Variants in GABRG3 observed in about 807,000 individuals in gnomAD.
GABRG3 encodes the protein gamma-aminobutyric acid receptor subunit gamma-3.
GABRG3 carries 25 observed loss-of-function variants against 48.8 expected under a neutral mutation model. The observed-to-expected ratio is 0.51, with a 90% confidence interval of 0.37 to 0.72. GABRG3 has a LOEUF of 0.72. GABRG3 is among the 30% of genes least tolerant of loss of function. The pLI is 0.00. For missense variants in GABRG3, 394 were observed against 577.9 expected (o/e 0.68, Z 3.26); for synonymous variants, 227 against 217.6 (o/e 1.04, Z -0.38).
In GABRG3 at chr15:27,534,905, C is replaced by CTGTGG. The variant is rs1484304182; in HGVS notation, c.*2024_*2025insTGTGG. The CTGTGG allele has an allele frequency of 6.6e-6, 1 of 152,200 alleles. No homozygotes were observed. Among genetic ancestry groups the CTGTGG allele is most frequent in the Non-Finnish European group, 1.5e-5 (1 of 68,034 alleles). The allele number at this position is 152,200 out of a possible 1,614,324, so 9.4% of individuals were successfully genotyped here. A position where few individuals can be genotyped will look rare whatever the true frequency, so the allele number is the denominator to read the frequency against. ...GGTTTGGTAGTTGCTACATAATCCA[C>CTGTGG]AAGCCAATTGGCTTCAGTTTAGCAA... On this transcript the variant is annotated 3_prime_UTR_variant, in exon 10 of 10. Coordinates refer to ENST00000615808, the MANE Select transcript of GABRG3 (RefSeq NM_033223.5).
At chr15:27,276,928 G>A (rs1482347172) in intron 3 of GABRG3, among the ~76,000 whole-genome samples, 2 of 152,168 alleles carry the variant, frequency 1.3e-5, no homozygotes, top group African/African-American at 4.8e-5. Flanking sequence ...CTTCTTCCCA[G>A]CTAAAATAGA....
At chr15:27,142,258 G>A (rs1414516013) in intron 3 of GABRG3, among the ~76,000 whole-genome samples, 33 of 152,044 alleles carry the variant, frequency 2.2e-4, no homozygotes, top group Admixed American at 2.1e-3. Flanking sequence ...CCGTTTTCAC[G>A]CTGCTGATAA....
chr15:27,059,262 G>A (rs1896605444), intron 3 of GABRG3, among the ~76,000 whole-genome samples: 2 of 152,194 alleles, frequency 1.3e-5, no homozygotes, highest in Non-Finnish European at 1.5e-5. Context: ...TTCCTTTGGG[G>A]AGAGCTGAGT....
chr15:27,429,972 C>T lies in GABRG3; in HGVS notation c.575-50678C>T, dbSNP rs114640910. ...TGGTCCTATGGAAACAATATGTCTACATTTTGAGAAATTACCAGTGGCTTC... is the reference window on the plus strand; with the variant it reads ...TGGTCCTATGGAAACAATATGTCTATATTTTGAGAAATTACCAGTGGCTTC... On this transcript the variant is annotated intron_variant, in intron 5 of 9. Coordinates refer to ENST00000615808, the MANE Select transcript of GABRG3 (RefSeq NM_033223.5). Among the ~76,000 whole-genome samples the T allele has an allele frequency of 2.8e-3, 429 of 152,338 alleles. 1 individual carries two copies. Among genetic ancestry groups the T allele is most frequent in the African/African-American group, 9.7e-3 (402 of 41,582 alleles).
intron 3 of GABRG3, among the ~76,000 whole-genome samples, chr15:27,193,101 C>T (rs1434967356): frequency 6.6e-6 from 1 of 152,134 alleles, no homozygotes; most frequent in Non-Finnish European, 1.5e-5. Flanking sequence ...GAGTATCCGG[C>T]CGTGTGAGGT....
chr15:27,393,358 A>G (rs34973701), intron 5 of GABRG3, among the ~76,000 whole-genome samples: 62,382 of 140,386 alleles, frequency 0.44, 15,201 homozygotes, highest in East Asian at 0.98. Flanking sequence ...AAAAAAAAAA[A>G]AAAAGAAAAG....
chr15:27,426,546 G>A (rs1888298658), intron 5 of GABRG3, among the ~76,000 whole-genome samples: 1 of 152,152 alleles, frequency 6.6e-6, no homozygotes, highest in African/African-American at 2.4e-5. Context: ...CAGGCGTGGT[G>A]TCTCATGCCA....
chr15:27,229,453 T>TTTTTG (rs1555411180), intron 3 of GABRG3, among the ~76,000 whole-genome samples: 2 of 105,080 alleles, frequency 1.9e-5, no homozygotes, highest in Non-Finnish European at 3.6e-5. Flanking sequence ...CCTAGGTTTT[T>TTTTTG]TGTGTGTGTG....
At chr15:27,265,897 T>TTTTTTTTGG (rs1890906518) in intron 3 of GABRG3, among the ~76,000 whole-genome samples, 1 of 150,486 alleles carries the variant, frequency 6.6e-6, no homozygotes, top group African/African-American at 2.5e-5. Flanking sequence ...TTTTTTTTTT[T>TTTTTTTTGG]GAGAGTGACC....
chr15:27,518,919 G>T (rs1891092951), intron 6 of GABRG3, among the ~76,000 whole-genome samples: 1 of 152,198 alleles, frequency 6.6e-6, no homozygotes, highest in South Asian at 2.1e-4. Context: ...GATAAGCTTG[G>T]ATCTATGGCA....
Position 27,447,663 on chromosome 15 carries a change from A to G in GABRG3, c.575-32987A>G, listed in dbSNP as rs1331415738. On this transcript the variant is annotated intron_variant, in intron 5 of 9. Transcript: ENST00000615808. The surrounding 1 kb of genome is among the most constrained non-coding windows in gnomAD (Gnocchi z 4.0). ...TGGCACATATACACTGTGGAATACT[A>G]TGCAGCCATAAAAAAGGATGAGTTC... 6.6e-6 allele frequency among the ~76,000 whole-genome samples: 1 copy of G among 152,230 alleles called. No individual in the cohort carries two copies. The highest frequency in any genetic ancestry group is 1.5e-5 in the Non-Finnish European group (1 of 68,044).
chr15:27,507,952 C>G (rs1027148253), intron 6 of GABRG3, among the ~76,000 whole-genome samples: 2 of 152,180 alleles, frequency 1.3e-5, no homozygotes, highest in African/African-American at 4.8e-5. Context: ...CTGAAGTCTA[C>G]TCTGTTCAAA....
chr15:27,057,208 C>A (rs573497439), intron 3 of GABRG3, among the ~76,000 whole-genome samples: 1 of 152,268 alleles, frequency 6.6e-6, no homozygotes, highest in East Asian at 1.9e-4. Context: ...TTCTTCCTAA[C>A]TCACACACAT....
intron 2 of GABRG3, among the ~76,000 whole-genome samples, chr15:26,996,621 C>CTTATTTATTTAT (rs147458553): frequency 0.039 from 5,855 of 149,878 alleles, 188 homozygotes; most frequent in Middle Eastern, 0.086. Context: ...TATATACTGG[C>CTTATTTATTTAT]TTATTTATTT....
At chr15:27,016,251 T>G (rs1357759523) in intron 2 of GABRG3, among the ~76,000 whole-genome samples, 1 of 151,160 alleles carries the variant, frequency 6.6e-6, no homozygotes, top group Non-Finnish European at 1.5e-5. Context: ...TTTTTTTTTT[T>G]TTTGAGAGAA....
intron 3 of GABRG3, among the ~76,000 whole-genome samples, chr15:27,092,255 G>A (rs1039638036): frequency 3.3e-5 from 5 of 152,156 alleles, no homozygotes; most frequent in African/African-American, 1.2e-4. Context: ...CTTTCTGACA[G>A]AACTGGGGAA....
intron 2 of GABRG3, among the ~76,000 whole-genome samples, chr15:27,011,236 C>G (rs909299512): frequency 1.3e-5 from 2 of 152,298 alleles, no homozygotes; most frequent in Admixed American, 6.5e-5. Flanking sequence ...CTGCAACTCT[C>G]TTAGGACTTT....
intron 5 of GABRG3, among the ~76,000 whole-genome samples, chr15:27,379,640 G>A (rs1006301026): frequency 3.3e-5 from 5 of 151,876 alleles, no homozygotes; most frequent in Admixed American, 1.3e-4. Context: ...AATTTTTATC[G>A]AAGTCTTTAT....
chr15:27,133,615 G>C (rs1444261986), intron 3 of GABRG3, among the ~76,000 whole-genome samples: 1 of 152,182 alleles, frequency 6.6e-6, no homozygotes, highest in Non-Finnish European at 1.5e-5. Flanking sequence ...CTGCTTCCAA[G>C]TATTTAATTT....
Sources: gnomAD v4.1 joint callset for allele counts (sites outside exome capture counted in the v4.1 genomes callset) on GRCh38, gnomAD v4.1.1 for gene constraint, Gnocchi (gnomAD v3.1) non-coding constraint, MANE v1.5 for transcripts, NCBI Gene and HGNC (gene_info 2026-07-23, HGNC 2026-07-21) for gene names.